DHX30: variants seen among roughly 807,000 people sequenced by gnomAD.
DHX30 encodes the protein ATP-dependent RNA helicase DHX30.
A neutral mutation model predicts 116.9 loss-of-function variants in DHX30; 4 were observed. That is an observed-to-expected ratio of 0.03 (90% confidence interval 0.02 to 0.08). DHX30 has a LOEUF of 0.08. Ranked by LOEUF, DHX30 falls within the 10% of genes least tolerant of loss-of-function variation. DHX30 has a pLI of 1.00. For synonymous variants in DHX30, 697 were observed against 651.7 expected (o/e 1.07, Z -1.06); for missense variants, 871 against 1,595.1 (o/e 0.55, Z 7.73).
Position 47,848,365 on chromosome 3 carries a change from A to T in DHX30, c.2472A>T (p.Lys824Asn). The change falls in exon 15 of 22, where the codon AAA becomes AAT. Residue 824 changes from lysine (K) to asparagine (N), a missense_variant. Physicochemically the swap from Lys to Asn is moderately conservative, Grantham distance 94. Around this residue, in one of 13 missense-constraint regions of DHX30, gnomAD observed 238 missense variants for 481.0 expected, o/e 0.49. Transcript: ENST00000445061. The surrounding 1 kb of genome is among the most constrained non-coding windows in gnomAD (Gnocchi z 9.4). ...TTGAGAACCTGGTGCTGCAAGCGAA[A>T]ATCCACATGCCTGAGAAGACGGTGC... ...TPLENLVLQAKIHMPEKTAVE... is the reference protein window; with the variant it reads ...TPLENLVLQANIHMPEKTAVE... 1 of 1,614,088 alleles carries T rather than the reference A, an allele frequency of 6.2e-7. No individual in the cohort carries two copies. Among genetic ancestry groups the T allele is most frequent in the Non-Finnish European group, 8.5e-7 (1 of 1,180,018 alleles).
Position 47,829,008 on chromosome 3 carries a change from C to G in DHX30, c.256-16C>G. The G allele has an allele frequency of 6.4e-7, 1 of 1,551,440 alleles. No homozygotes were observed. Among genetic ancestry groups the G allele is most frequent in the Non-Finnish European group, 8.9e-7 (1 of 1,127,718 alleles). Reference sequence around the variant, plus strand: ...TGGAGTGGCAAGACTTCTGATTTCTCTCTTCTCTTCCCCAGAAAGTCACAC... The same window carrying G: ...TGGAGTGGCAAGACTTCTGATTTCTGTCTTCTCTTCCCCAGAAAGTCACAC... On this transcript the variant is annotated splice_polypyrimidine_tract_variant and intron_variant, in intron 5 of 21. Transcript: ENST00000445061.
At chr3:47,837,618 G>A (rs1469109531) in intron 6 of DHX30, among the ~76,000 whole-genome samples, 1 of 152,090 alleles carries the variant, frequency 6.6e-6, no homozygotes, top group Non-Finnish European at 1.5e-5. Flanking sequence ...AAAATTAGCC[G>A]GGCCTGGTGG....
chr3:47,806,903 A>T (rs1232092773), intron 2 of DHX30, among the ~76,000 whole-genome samples: 1 of 151,546 alleles, frequency 6.6e-6, no homozygotes, highest in African/African-American at 2.4e-5. Context: ...CACTACAAAG[A>T]TTTTTAAACA....
intron 8 of DHX30, chr3:47,841,967 A>G: frequency 1.8e-6 from 1 of 571,246 alleles, no homozygotes; most frequent in Non-Finnish European, 3.1e-6. Context: ...GAAGACCCAT[A>G]CCTCTTCTGG....
rs1334820745 is a variant in DHX30, at chr3:47,847,365, C to T, written c.2005+17C>T. 43 of 1,614,264 alleles carry T rather than the reference C, an allele frequency of 2.7e-5. No homozygotes were observed. Among genetic ancestry groups the T allele is most frequent in the Non-Finnish European group, 3.6e-5 (43 of 1,180,046 alleles). ...GGGAACCAGGTGGGTGCCTCCCCAT[C>T]TGTCCCATGCTAGCCCTGGCCACGT... On this transcript the variant is annotated intron_variant, in intron 12 of 21. Transcript: ENST00000445061. This position sits in a 1 kb window ranked among gnomAD's most constrained non-coding sequence, Gnocchi z 5.5.
At chr3:47,809,389 G>A (rs1462617799) in intron 2 of DHX30, among the ~76,000 whole-genome samples, 4 of 151,382 alleles carry the variant, frequency 2.6e-5, no homozygotes, top group African/African-American at 9.7e-5. Context: ...CTACAGGCCC[G>A]CACAACCATG....
chr3:47,813,994 A>G (rs1253606970), intron 3 of DHX30, among the ~76,000 whole-genome samples: 2 of 146,290 alleles, frequency 1.4e-5, no homozygotes, highest in African/African-American at 2.5e-5. Flanking sequence ...TAAAATTAGC[A>G]CTTTGTGTTT....
intron 6 of DHX30, among the ~76,000 whole-genome samples, chr3:47,833,915 A>G (rs1016582687): frequency 2.6e-5 from 4 of 152,134 alleles, no homozygotes; most frequent in African/African-American, 9.7e-5. Context: ...ATACAGTATT[A>G]TTAATTATAG....
chr3:47,814,431 A>C (rs75847443), intron 3 of DHX30, among the ~76,000 whole-genome samples: 2 of 28,784 alleles, frequency 6.9e-5, no homozygotes, highest in African/African-American at 1.4e-4. Context: ...TCTCAAAACA[A>C]AAAAAAAAAA....
chr3:47,810,611 G>T, intron 2 of DHX30, 46 bp from the exon 3 acceptor site: 1 of 1,507,256 alleles, frequency 6.6e-7, no homozygotes, highest in South Asian at 1.1e-5. Context: ...GTGGGTTGCT[G>T]GACCAGGAAT....
chr3:47,826,238 C>G (rs547943168), intron 4 of DHX30: 1 of 152,222 alleles, frequency 6.6e-6, no homozygotes, highest in African/African-American at 2.4e-5. Context: ...CCTAGCAGAC[C>G]TCTTCATGAC....
chr3:47,804,319 C>A (rs948291572), intron 1 of DHX30, among the ~76,000 whole-genome samples: 1 of 152,148 alleles, frequency 6.6e-6, no homozygotes, highest in Admixed American at 6.6e-5. Flanking sequence ...CTTTGGGAGG[C>A]CGAGGCGGGT....
chr3:47,812,759 G>A (rs2035858380), intron 3 of DHX30, among the ~76,000 whole-genome samples: 1 of 149,772 alleles, frequency 6.7e-6, no homozygotes, highest in Non-Finnish European at 1.5e-5. Context: ...TGCCTCCCGG[G>A]TTCAAGCAAT....
At chr3:47,824,445 A>G (rs2036444525) in intron 4 of DHX30, among the ~76,000 whole-genome samples, 1 of 151,558 alleles carries the variant, frequency 6.6e-6, no homozygotes, top group African/African-American at 2.4e-5. Flanking sequence ...CTGGCTCCAG[A>G]TTTTCTTTTT....
intron 3 of DHX30, among the ~76,000 whole-genome samples, chr3:47,812,013 G>A (rs1382417369): frequency 1.4e-5 from 2 of 141,256 alleles, no homozygotes; most frequent in African/African-American, 2.6e-5. Flanking sequence ...GCAGTGAGCC[G>A]AGATTACACC....
rs765888069 is a variant in DHX30 at position 47,849,726 on chromosome 3, G to A, written c.3288G>A (p.Pro1096=). The A allele has an allele frequency of 9.9e-6, 16 of 1,613,940 alleles. No individual in the cohort carries two copies. Among genetic ancestry groups the A allele is most frequent in the African/African-American group, 9.3e-5 (7 of 74,928 alleles). Residue 1096 remains proline (P), a synonymous_variant, in exon 21 of 22, where the codon CCG becomes CCA. Coordinates refer to ENST00000445061, the MANE Select transcript of DHX30 (RefSeq NM_138615.3). The stretch of plus-strand genomic sequence containing the variant: ...TCCGGGACTCCTCTCAGGTGCACCC[G>A]CTAGCTGTGCTGCTGCTGACCGACG... ...VFVRDSSQVH[P]LAVLLLTDGD...
At chr3:47,828,968 G>T in intron 5 of DHX30, 56 bp from the exon 6 acceptor site, 1 of 1,058,828 alleles carries the variant, frequency 9.4e-7, no homozygotes, top group Non-Finnish European at 1.4e-6. Flanking sequence ...CATGTAATTT[G>T]CAACAACTCT....
chr3:47,836,124 CTT>C (rs890908291), intron 6 of DHX30, among the ~76,000 whole-genome samples: 2 of 152,174 alleles, frequency 1.3e-5, no homozygotes, highest in African/African-American at 2.4e-5. Flanking sequence ...TAAACTCAGA[CTT>C]TTGTTTTTTG....
chr3:47,814,612 C>T lies in DHX30; in HGVS notation c.29-3410C>T, dbSNP rs567174885. 3.9e-5 allele frequency among the ~76,000 whole-genome samples: 6 copies of T among 151,984 alleles called. No homozygotes were observed. The South Asian group carries it at 1.0e-3, about 26-fold the overall frequency. On this transcript the variant is annotated intron_variant, in intron 3 of 21. Transcript: ENST00000445061. ...CTGTATTTTTAGCAAGCTCCACCTC[C>T]CAGATTCATGCCATTTTTCTGCCTC...
Sources: allele counts gnomAD v4.1 joint callset (sites outside exome capture counted in the v4.1 genomes callset), GRCh38; gene constraint gnomAD v4.1.1; regional missense constraint gnomAD v4.1.1; non-coding constraint Gnocchi (gnomAD v3.1); transcripts MANE v1.5; gene names NCBI Gene and HGNC (gene_info 2026-07-23, HGNC 2026-07-21).